DUSP4: variants seen among roughly 807,000 people sequenced by gnomAD.
DUSP4 encodes dual specificity phosphatase 4.
DUSP4 carries 12 observed loss-of-function variants against 27.2 expected under a neutral mutation model. The ratio of observed to expected loss-of-function variants is 0.44; its 90% CI spans 0.28 to 0.71. The LOEUF is 0.71. Among genes scored for constraint, DUSP4 ranks in the 30% least tolerant of loss-of-function variants. The pLI is 0.14. For missense variants in DUSP4, 448 were observed against 551.3 expected (o/e 0.81, Z 1.88); for synonymous variants, 257 against 245.2 (o/e 1.05, Z -0.45).
At chr8:29,342,332 C>T (rs576747494) in intron 1 of DUSP4, among the ~76,000 whole-genome samples, 2 of 152,326 alleles carry the variant, frequency 1.3e-5, no homozygotes, top group East Asian at 1.9e-4. Context: ...GGAGCCTCCT[C>T]CTCGTCTGTA....
intron 1 of DUSP4, chr8:29,345,569 AGGAAATC>A (rs1156265293): frequency 6.6e-7 from 1 of 1,523,884 alleles, no homozygotes; most frequent in African/African-American, 1.4e-5. Flanking sequence ...CCTCCCGGTA[AGGAAATC>A]GGCTCTCTGG....
intron 1 of DUSP4, chr8:29,345,512 G>A: frequency 3.2e-6 from 5 of 1,582,600 alleles, no homozygotes; most frequent in East Asian, 4.7e-5. Flanking sequence ...TTCCGTTGGA[G>A]TGAACTTTTC....
At chr8:29,345,639 C>A in intron 1 of DUSP4, 1 of 1,484,148 alleles carries the variant, frequency 6.7e-7, no homozygotes, top group Non-Finnish European at 8.9e-7. Flanking sequence ...GGAAAGTGGC[C>A]ACCCTTTCTC....
Position 29,337,598 on chromosome 8 carries a change from C to G in DUSP4, c.800-187G>C, listed in dbSNP as rs182220993. ...TGCCCCCAATTCTGAGGTCTATTTT[C>G]CCGAATCACTATGCTGAAGCTGGTT... is the stretch of plus-strand genomic sequence containing the variant. On this transcript the variant is annotated intron_variant, in intron 3 of 3. Transcript: ENST00000240100. This position sits in a 1 kb window ranked among gnomAD's most constrained non-coding sequence, Gnocchi z 6.4. 1.1e-4 allele frequency among the ~76,000 whole-genome samples: 16 copies of G among 152,316 alleles called. No homozygotes were observed. The highest frequency in any genetic ancestry group is 3.4e-4 in the African/African-American group (14 of 41,576).
intron 1 of DUSP4, among the ~76,000 whole-genome samples, chr8:29,342,969 C>T (rs1002624020): frequency 6.6e-6 from 1 of 152,104 alleles, no homozygotes; most frequent in African/African-American, 2.4e-5. Flanking sequence ...AGATCGAGAC[C>T]ATCCTGGCTA....
Position 29,337,145 on chromosome 8 carries a change from T to C in DUSP4, c.1066A>G (p.Thr356Ala). Residue 356 changes from threonine (T) to alanine (A), a missense_variant, in exon 4 of 4, where the codon ACC becomes GCC. By Grantham distance (58) the Thr-to-Ala change is moderately conservative. Around this residue, in one of 3 missense-constraint regions of DUSP4, gnomAD observed 100 missense variants for 139.8 expected, o/e 0.72. Coordinates refer to ENST00000240100, the MANE Select transcript of DUSP4 (RefSeq NM_001394.7). The surrounding 1 kb of genome is among the most constrained non-coding windows in gnomAD (Gnocchi z 6.4). ...AACTGCGAGGTGGGGGTGGCGGGGG[T>C]CTTGCCCCGCTCCCGCAGGGGTCCC... ...PSGPLRERGK[T>A]PATPTSQFVF... 2 of 1,609,282 alleles carry C rather than the reference T, an allele frequency of 1.2e-6. No individual in the cohort carries two copies. Among genetic ancestry groups the C allele is most frequent in the Non-Finnish European group, 1.7e-6 (2 of 1,178,260 alleles).
chr8:29,341,675 A>G (rs1344809916), intron 1 of DUSP4, among the ~76,000 whole-genome samples: 1 of 152,124 alleles, frequency 6.6e-6, no homozygotes, highest in Non-Finnish European at 1.5e-5. Flanking sequence ...CAGCCACTTC[A>G]TCACAGAAGC....
In DUSP4 at chr8:29,349,976, G is replaced by A; in HGVS notation, c.303C>T (p.Leu101=). Residue 101 remains leucine, a synonymous_variant, in exon 1 of 4, where the codon CTC becomes CTT. Transcript: ENST00000240100. ...EEVRARLRSG[L]YSAVIVYDER... is the part of the protein sequence containing the mutation. ...CGTCGTAGACGATGACCGCCGAGTA[G>A]AGGCCGGAGCGCAAGCGGGCGCGTA... The A allele has an allele frequency of 3.8e-6, 6 of 1,578,444 alleles. No homozygotes were observed. In the South Asian group the frequency reaches 4.5e-5, roughly 12 times the overall value.
chr8:29,349,239 C>T (rs1202981544), intron 1 of DUSP4, among the ~76,000 whole-genome samples: 1 of 152,232 alleles, frequency 6.6e-6, no homozygotes, highest in Non-Finnish European at 1.5e-5. Context: ...GGATCTAGCC[C>T]GGGACGGGGA....
chr8:29,342,274 C>T (rs1817665952), intron 1 of DUSP4, among the ~76,000 whole-genome samples: 2 of 152,228 alleles, frequency 1.3e-5, no homozygotes, highest in African/African-American at 2.4e-5. Flanking sequence ...GGTTGCACCC[C>T]ACCCTGAGCA....
At position 29,337,032 on chromosome 8, in the gene DUSP4, G is replaced by A. The variant is rs1044585809; in HGVS notation, c.1179C>T (p.Ser393=). The A allele has an allele frequency of 1.3e-6, 2 of 1,599,166 alleles. No individual in the cohort carries two copies. Among genetic ancestry groups the A allele is most frequent in the African/African-American group, 2.7e-5 (2 of 74,868 alleles). ...TGGGGCCCCCAGGGCGGCTCTAACA[G>A]CTGGGAGAGGTGGTGATGGGGCTGT... ...YLHSPITTSP[S]C Residue 393 remains serine (S), a synonymous_variant, in exon 4 of 4, where the codon AGC becomes AGT. Coordinates refer to ENST00000240100, the MANE Select transcript of DUSP4 (RefSeq NM_001394.7). This position sits in a 1 kb window ranked among gnomAD's most constrained non-coding sequence, Gnocchi z 6.4.
intron 1 of DUSP4, among the ~76,000 whole-genome samples, chr8:29,343,026 G>A (rs569456422): frequency 5.9e-5 from 9 of 152,114 alleles, no homozygotes; most frequent in Admixed American, 5.2e-4. Flanking sequence ...AAATTAGCCG[G>A]GCGTGGTGGC....
chr8:29,342,983 C>T (rs113528889), intron 1 of DUSP4, among the ~76,000 whole-genome samples: 3,478 of 151,942 alleles, frequency 0.023, 62 homozygotes, highest in Middle Eastern at 0.058. Flanking sequence ...CTGGCTAACA[C>T]GGTGAAACCC....
intron 1 of DUSP4, chr8:29,348,150 G>C: frequency 6.1e-6 from 6 of 985,588 alleles, no homozygotes; most frequent in Non-Finnish European, 6.0e-6. Flanking sequence ...GCTGGTCCCG[G>C]GTTTGGACGC....
At chr8:29,338,564 G>A (rs570148595) in intron 2 of DUSP4, 63 bp from the exon 3 acceptor site, 4 of 1,528,048 alleles carry the variant, frequency 2.6e-6, no homozygotes, top group East Asian at 2.4e-5. Context: ...GGCACAGGGA[G>A]TGGAAGCTTG....
In DUSP4 at chr8:29,338,862, G is replaced by A. The variant is rs139753905; in HGVS notation, c.580-361C>T. 4.5e-3 allele frequency among the ~76,000 whole-genome samples: 688 copies of A among 152,334 alleles called. 8 individuals are homozygous for A. The highest frequency in any genetic ancestry group is 0.016 in the African/African-American group (659 of 41,572). On this transcript the variant is annotated intron_variant, in intron 2 of 3. Transcript: ENST00000240100. ...TAATCATCAAGCCATTTGCTGTGTG[G>A]TTTAGATACTTATTTGTTTTGATAT...
chr8:29,337,259 A>G lies in DUSP4; in HGVS notation c.952T>C (p.Ser318Pro). 1 of 1,613,744 alleles carries G rather than the reference A, an allele frequency of 6.2e-7. No individual in the cohort carries two copies. Among genetic ancestry groups the G allele is most frequent in the Non-Finnish European group, 8.5e-7 (1 of 1,179,980 alleles). ...TGCCCCATGAAGCTGAAGTTGGGCG[A>G]GATGATGCTGCGGCGCTGCTTAACG... ...EFVKQRRSII[S>P]PNFSFMGQLL... Residue 318 changes from serine to proline, a missense_variant, in exon 4 of 4, where the codon TCG (serine) becomes CCG (proline). Physicochemically the swap from Ser to Pro is moderately conservative, Grantham distance 74. This residue lies in a region of DUSP4 where 100 missense variants were observed against 139.8 expected (regional missense o/e 0.72). Coordinates refer to ENST00000240100, the MANE Select transcript of DUSP4 (RefSeq NM_001394.7). This position sits in a 1 kb window ranked among gnomAD's most constrained non-coding sequence, Gnocchi z 6.4.
intron 2 of DUSP4, among the ~76,000 whole-genome samples, chr8:29,339,835 C>CG (rs951962168): frequency 1.4e-5 from 2 of 139,356 alleles, no homozygotes; most frequent in Non-Finnish European, 1.6e-5. Context: ...AAGACCCCCC[C>CG]CCCCCATCTC....
At chr8:29,345,320 CT>C (rs762753892) in intron 1 of DUSP4, 4 of 1,601,710 alleles carry the variant, frequency 2.5e-6, no homozygotes, top group Non-Finnish European at 1.7e-6. Context: ...TAGTAAGCAC[CT>C]ATGTAAATGC....
Sources: gnomAD v4.1 joint callset for allele counts (sites outside exome capture counted in the v4.1 genomes callset) on GRCh38, gnomAD v4.1.1 for gene constraint, gnomAD v4.1.1 regional missense constraint, Gnocchi (gnomAD v3.1) non-coding constraint, MANE v1.5 for transcripts, NCBI Gene and HGNC (gene_info 2026-07-23, HGNC 2026-07-21) for gene names.